Variants in PPP2R2C observed in about 807,000 individuals in gnomAD.
PPP2R2C encodes the protein protein phosphatase 2 regulatory subunit Bgamma.
In PPP2R2C, 10 loss-of-function variants were observed where a neutral mutation model predicts 45.3. The ratio of observed to expected loss-of-function variants is 0.22; its 90% CI spans 0.14 to 0.37. The LOEUF is 0.37. Among genes scored for constraint, PPP2R2C ranks in the 10% least tolerant of loss-of-function variants. PPP2R2C has a pLI of 1.00. For synonymous variants in PPP2R2C, 257 were observed against 245.4 expected (o/e 1.05, Z -0.44); for missense variants, 308 against 619.7 (o/e 0.50, Z 5.34).
chr4:6,386,948 GA>G (rs141219056), intron 1 of PPP2R2C, among the ~76,000 whole-genome samples: 2 of 151,798 alleles, frequency 1.3e-5, no homozygotes, highest in East Asian at 3.9e-4. Flanking sequence ...GTCTGAGACA[GA>G]AAAAAAATCA....
intron 2 of PPP2R2C, among the ~76,000 whole-genome samples, chr4:6,523,944 G>A (rs752836632): frequency 1.6e-4 from 24 of 152,166 alleles, no homozygotes; most frequent in Middle Eastern, 3.4e-3. Context: ...AGACAGTTTC[G>A]CTCTTGTTGA....
At chr4:6,421,058 T>A (rs1718926726) in intron 1 of PPP2R2C, 1 of 985,126 alleles carries the variant, frequency 1.0e-6, no homozygotes, top group Admixed American at 6.2e-5. Flanking sequence ...CTTCTTCCTA[T>A]TTGGGGTGTC....
At chr4:6,507,521 T>TGA (rs2108798776) in intron 2 of PPP2R2C, among the ~76,000 whole-genome samples, 1 of 152,226 alleles carries the variant, frequency 6.6e-6, no homozygotes, top group South Asian at 2.1e-4. Context: ...ATGTGTGGAG[T>TGA]GAGAGGCCGA....
chr4:6,553,544 T>A (rs568158453), intron 1 of PPP2R2C, among the ~76,000 whole-genome samples: 1 of 152,254 alleles, frequency 6.6e-6, no homozygotes, highest in Non-Finnish European at 1.5e-5. Flanking sequence ...CCACCACAGG[T>A]AGCCTTCATT....
intron 2 of PPP2R2C, among the ~76,000 whole-genome samples, chr4:6,487,178 T>G (rs1722556248): frequency 6.6e-6 from 1 of 152,120 alleles, no homozygotes; most frequent in Non-Finnish European, 1.5e-5. Flanking sequence ...TACAGTTTAC[T>G]TTTATATATG....
chr4:6,559,096 T>C (rs1725498424), intron 1 of PPP2R2C, among the ~76,000 whole-genome samples: 2 of 152,184 alleles, frequency 1.3e-5, no homozygotes, highest in Admixed American at 6.5e-5. Context: ...GCCCTGACAA[T>C]AGCAGTTTCC....
intron 1 of PPP2R2C, among the ~76,000 whole-genome samples, chr4:6,416,397 T>C (rs1718588318): frequency 6.6e-6 from 1 of 152,294 alleles, no homozygotes; most frequent in East Asian, 1.9e-4. Flanking sequence ...CACCATCCCG[T>C]GAAAATACTC....
intron 1 of PPP2R2C, among the ~76,000 whole-genome samples, chr4:6,462,425 G>C (rs1360336418): frequency 6.6e-6 from 1 of 152,136 alleles, no homozygotes; most frequent in Non-Finnish European, 1.5e-5. Flanking sequence ...GTTTCAGTGA[G>C]CCAAGATCAC....
At chr4:6,525,992 G>A (rs1177091443) in intron 2 of PPP2R2C, among the ~76,000 whole-genome samples, 4 of 152,152 alleles carry the variant, frequency 2.6e-5, no homozygotes, top group Non-Finnish European at 5.9e-5. Flanking sequence ...CGTGAGCCAC[G>A]TTGCCCAGCC....
intron 1 of PPP2R2C, among the ~76,000 whole-genome samples, chr4:6,434,900 C>G (rs1218169606): frequency 1.3e-5 from 2 of 152,036 alleles, no homozygotes; most frequent in African/African-American, 4.8e-5. Flanking sequence ...CTCCTCATCA[C>G]ATCCTTTATC....
intron 1 of PPP2R2C, among the ~76,000 whole-genome samples, chr4:6,427,120 G>A (rs144967734): frequency 2.6e-5 from 4 of 152,322 alleles, no homozygotes; most frequent in Non-Finnish European, 4.4e-5. Context: ...TGTGACACTC[G>A]AGGTCCTCCT....
At chr4:6,373,847 A>G (rs1715065180) in intron 4 of PPP2R2C, among the ~76,000 whole-genome samples, 1 of 151,906 alleles carries the variant, frequency 6.6e-6, no homozygotes, top group Non-Finnish European at 1.5e-5. Context: ...GTGTGTGCAT[A>G]TGAGTGTGCA....
intron 1 of PPP2R2C, among the ~76,000 whole-genome samples, chr4:6,449,800 A>G (rs1720641038): frequency 6.6e-6 from 1 of 152,112 alleles, no homozygotes; most frequent in African/African-American, 2.4e-5. Context: ...CTTTCACCCA[A>G]AGCCAAATGC....
At chr4:6,361,625 G>A (rs1478422907) in intron 5 of PPP2R2C, among the ~76,000 whole-genome samples, 1 of 152,220 alleles carries the variant, frequency 6.6e-6, no homozygotes, top group East Asian at 1.9e-4. Flanking sequence ...CTCTCCCTCT[G>A]GGAAAAAAGC....
intron 1 of PPP2R2C, among the ~76,000 whole-genome samples, chr4:6,561,494 C>T (rs1013971945): frequency 2.6e-5 from 4 of 152,096 alleles, no homozygotes; most frequent in Non-Finnish European, 5.9e-5. Context: ...GAGGGGAGGA[C>T]TTGCACCTTT....
chr4:6,520,929 G>A (rs1252363526), intron 2 of PPP2R2C, among the ~76,000 whole-genome samples: 2 of 152,170 alleles, frequency 1.3e-5, no homozygotes, highest in Non-Finnish European at 1.5e-5. Context: ...ACTGATTTCT[G>A]TATTCTTTGT....
upstream of PPP2R2C, among the ~76,000 whole-genome samples, chr4:6,472,951 G>T (rs1367647543): frequency 2.0e-5 from 3 of 152,110 alleles, no homozygotes; most frequent in East Asian, 5.8e-4. Flanking sequence ...GAAAGGACTA[G>T]GAAGGAAGGA....
At chr4:6,400,492 T>C (rs1476568030) in intron 1 of PPP2R2C, among the ~76,000 whole-genome samples, 1 of 152,236 alleles carries the variant, frequency 6.6e-6, no homozygotes, top group Non-Finnish European at 1.5e-5. Context: ...ACACAAAACC[T>C]CTTTGGGAGC....
intron 1 of PPP2R2C, among the ~76,000 whole-genome samples, chr4:6,410,250 GCA>G: frequency 6.6e-6 from 1 of 152,296 alleles, no homozygotes; most frequent in African/African-American, 2.4e-5. Context: ...CAGGCTGGGC[GCA>G]CTTGTTCACA....
Sources: gnomAD v4.1 joint callset for allele counts (sites outside exome capture counted in the v4.1 genomes callset) on GRCh38, gnomAD v4.1.1 for gene constraint, MANE v1.5 for transcripts, NCBI Gene and HGNC (gene_info 2026-07-23, HGNC 2026-07-21) for gene names.